SIRPA: variants seen among roughly 807,000 people sequenced by gnomAD.
The protein encoded by SIRPA is signal regulatory protein alpha.
A neutral mutation model predicts 50.3 loss-of-function variants in SIRPA; 9 were observed. That is an observed-to-expected ratio of 0.18 (90% CI 0.11 to 0.31). The LOEUF (loss-of-function observed/expected upper bound fraction) is 0.31. SIRPA is among the 10% of genes least tolerant of loss of function. SIRPA has a pLI of 1.00. For synonymous variants in SIRPA, 265 were observed against 284.1 expected (o/e 0.93, Z 0.68); for missense variants, 474 against 661.6 (o/e 0.72, Z 3.11).
chr20:1,935,090 A>G (rs2076555), intron 7 of SIRPA, among the ~76,000 whole-genome samples: 116,264 of 151,996 alleles, frequency 0.76, 45,544 homozygotes, highest in Middle Eastern at 0.87. Context: ...GCCCAGGCCC[A>G]TCCCTCTACC....
rs6035090 is a variant in SIRPA at position 1,932,980 on chromosome 20, G to A, written c.1227-1735G>A. Among the ~76,000 whole-genome samples the A allele has an allele frequency of 0.34, 51,690 of 152,128 alleles. 9,296 individuals are homozygous for A. The highest frequency in any genetic ancestry group is 0.44 in the African/African-American group (18,289 of 41,440). ...TTGCTTTGAAAGAGAAGAACCCAAT[G>A]TTTTGAGAATGGAGTTTGGGGGTTC... On this transcript the variant is annotated intron_variant, in intron 6 of 7. Transcript: ENST00000358771. The surrounding 1 kb of genome is among the most constrained non-coding windows in gnomAD (Gnocchi z 6.0).
intron 1 of SIRPA, among the ~76,000 whole-genome samples, chr20:1,905,119 G>A (rs193170888): frequency 2.0e-5 from 3 of 152,364 alleles, no homozygotes; most frequent in South Asian, 4.1e-4. Flanking sequence ...AGGAATCAGT[G>A]AATAGTGTCA....
chr20:1,933,171 T>TGGCA lies in SIRPA; in HGVS notation c.1227-1530_1227-1527dup, dbSNP rs765814787. Among the ~76,000 whole-genome samples, 3 of 152,074 alleles carry TGGCA rather than the reference T, an allele frequency of 2.0e-5. No homozygotes were observed. The highest frequency in any genetic ancestry group is 4.8e-5 in the African/African-American group (2 of 41,408). On this transcript the variant is annotated intron_variant, in intron 6 of 7. Coordinates refer to ENST00000358771, the MANE Select transcript of SIRPA (RefSeq NM_001040023.2). This position sits in a 1 kb window ranked among gnomAD's most constrained non-coding sequence, Gnocchi z 4.4. Reference sequence around the variant, plus strand: ...TTTGAGCACATGTGGTGAGGAAGCATGGCAGGCAGGCAGGCAGACAGCAAT... The same window carrying TGGCA: ...TTTGAGCACATGTGGTGAGGAAGCATGGCAGGCAGGCAGGCAGGCAGACAGCAAT...
upstream of SIRPA, chr20:1,895,273 C>T (rs1407825557): frequency 4.5e-6 from 2 of 444,632 alleles, no homozygotes; most frequent in Non-Finnish European, 7.8e-6. Context: ...GAGGGGGGGT[C>T]TCCAAAAACC....
Position 1,932,620 on chromosome 20 carries a change from A to G in SIRPA, c.1227-2095A>G, listed in dbSNP as rs1006339255. Among the ~76,000 whole-genome samples, 3 of 152,200 alleles carry G rather than the reference A, an allele frequency of 2.0e-5. No individual in the cohort carries two copies. The highest frequency in any genetic ancestry group is 7.2e-5 in the African/African-American group (3 of 41,440). ...TGAGCATTCTGAGCAGAAAAGTAAC[A>G]TGACATCACTTATGCATTTCAGATA... is the stretch of plus-strand genomic sequence containing the variant. On this transcript the variant is annotated intron_variant, in intron 6 of 7. Transcript: ENST00000358771. The surrounding 1 kb of genome is among the most constrained non-coding windows in gnomAD (Gnocchi z 6.0).
Position 1,927,226 on chromosome 20 carries a change from A to G in SIRPA, c.1202-649A>G, listed in dbSNP as rs1986033157. Reference sequence around the variant, plus strand: ...CTTTTTAATTACAATTTTACAGCAAAATGGGAGTCAAACGGCTGCTGAACC... The same window carrying G: ...CTTTTTAATTACAATTTTACAGCAAGATGGGAGTCAAACGGCTGCTGAACC... On this transcript the variant is annotated intron_variant, in intron 5 of 7. Transcript: ENST00000358771. The surrounding 1 kb of genome is among the most constrained non-coding windows in gnomAD (Gnocchi z 6.5). Among the ~76,000 whole-genome samples, 1 of 152,158 alleles carries G rather than the reference A, an allele frequency of 6.6e-6. No homozygotes were observed. Among genetic ancestry groups the G allele is most frequent in the African/African-American group, 2.4e-5 (1 of 41,424 alleles).
intron 4 of SIRPA, among the ~76,000 whole-genome samples, chr20:1,922,891 G>A (rs1422099517): frequency 3.3e-5 from 5 of 152,172 alleles, no homozygotes; most frequent in Admixed American, 3.3e-4. Context: ...GAAAGAGGGA[G>A]AGAGGGGGCC....
At position 1,915,259 on chromosome 20, in the gene SIRPA, C is replaced by T. The variant is rs1415537126; in HGVS notation, c.240C>T (p.Tyr80=). Residue 80 remains tyrosine (Y), a synonymous_variant, in exon 2 of 8, where the codon TAC becomes TAT. Coordinates refer to ENST00000358771, the MANE Select transcript of SIRPA (RefSeq NM_001040023.2). ...CTGGACCAGGCCGGGAATTAATCTA[C>T]AATCAAAAAGAAGGCCACTTCCCCC... is the stretch of plus-strand genomic sequence containing the variant. ...RGAGPGRELI[Y]NQKEGHFPRV... 1.9e-6 allele frequency: 3 copies of T among 1,612,854 alleles called. No individual in the cohort carries two copies. Among genetic ancestry groups the T allele is most frequent in the Admixed American group, 1.7e-5 (1 of 59,850 alleles).
chr20:1,904,736 C>T (rs1208301455), intron 1 of SIRPA, among the ~76,000 whole-genome samples: 1 of 152,186 alleles, frequency 6.6e-6, no homozygotes, highest in African/African-American at 2.4e-5. Context: ...ACTCCTCTGC[C>T]CCCTCAGCCT....
chr20:1,910,681 G>C (rs1041002532), intron 1 of SIRPA, among the ~76,000 whole-genome samples: 1 of 152,058 alleles, frequency 6.6e-6, no homozygotes, highest in African/African-American at 2.4e-5. Flanking sequence ...TACATGTACA[G>C]GTTTTTTAAA....
rs1291989542 is a variant in SIRPA at position 1,933,991 on chromosome 20, A to G, written c.1227-724A>G. ...ACATTTGGAGAATATGGGAAACTAA[A>G]AAGGAGAAAAAAAATACCATGCAAA... On this transcript the variant is annotated intron_variant, in intron 6 of 7. Transcript: ENST00000358771. This position sits in a 1 kb window ranked among gnomAD's most constrained non-coding sequence, Gnocchi z 4.4. Among the ~76,000 whole-genome samples, 1 of 152,228 alleles carries G rather than the reference A, an allele frequency of 6.6e-6. No individual in the cohort carries two copies. The highest frequency in any genetic ancestry group is 1.5e-5 in the Non-Finnish European group (1 of 68,036).
At position 1,937,213 on chromosome 20, in the gene SIRPA, C is replaced by T. The variant is rs1986626574; in HGVS notation, c.1267-107C>T. The stretch of plus-strand genomic sequence containing the variant: ...TGACTTATGGCTGAGCCAGTGTGGG[C>T]CGAGAGGACACAGAAGCATCCAGAC... On this transcript the variant is annotated intron_variant, in intron 7 of 7. Transcript: ENST00000358771. This position sits in a 1 kb window ranked among gnomAD's most constrained non-coding sequence, Gnocchi z 8.3. 3.0e-6 allele frequency: 4 copies of T among 1,346,814 alleles called. No homozygotes were observed. Among genetic ancestry groups the T allele is most frequent in the Admixed American group, 2.0e-5 (1 of 49,482 alleles). The allele number at this position is 1,346,814 out of a possible 1,614,324, so 83.4% of individuals were successfully genotyped here. A position where few individuals can be genotyped will look rare whatever the true frequency, so the allele number is the denominator to read the frequency against.
At chr20:1,923,504 A>G (rs1208763565) in intron 4 of SIRPA, among the ~76,000 whole-genome samples, 4 of 152,260 alleles carry the variant, frequency 2.6e-5, no homozygotes, top group South Asian at 2.1e-4. Flanking sequence ...CACCAATGCC[A>G]GGTTTTCTTA....
upstream of SIRPA, chr20:1,895,269 G>A (rs1024716655): frequency 4.5e-6 from 2 of 443,088 alleles, no homozygotes; most frequent in South Asian, 4.3e-5. Context: ...CGGGGAGGGG[G>A]GGTCTCCAAA....
At position 1,934,564 on chromosome 20, in the gene SIRPA, C is replaced by T; in HGVS notation, c.1227-151C>T. ...AGTGAGATTGACCCCTTTGTCCAAA[C>T]ATTTGATATGCAGTTGTATTTCTGT... On this transcript the variant is annotated intron_variant, in intron 6 of 7. Transcript: ENST00000358771. This position sits in a 1 kb window ranked among gnomAD's most constrained non-coding sequence, Gnocchi z 4.6. 1 of 656,120 alleles carries T rather than the reference C, an allele frequency of 1.5e-6. No individual in the cohort carries two copies. The highest frequency in any genetic ancestry group is 2.6e-6 in the Non-Finnish European group (1 of 383,476). 40.6% of individuals were successfully genotyped at this position (656,120 alleles called of 1,614,324 possible). A position where few individuals can be genotyped will look rare whatever the true frequency, so the allele number is the denominator to read the frequency against.
At chr20:1,915,000 T>C in intron 1 of SIRPA, 99 bp from the exon 2 acceptor site, 1 of 991,806 alleles carries the variant, frequency 1.0e-6, no homozygotes, top group Non-Finnish European at 1.5e-6. Context: ...AGCCTGCTTC[T>C]GGTGTGCATC....
At chr20:1,906,705 C>G (rs956718722) in intron 1 of SIRPA, among the ~76,000 whole-genome samples, 8 of 152,078 alleles carry the variant, frequency 5.3e-5, no homozygotes, top group Non-Finnish European at 1.2e-4. Context: ...CGTCACCTGA[C>G]TTAGGTTTTA....
At chr20:1,913,689 G>C (rs6075340) in intron 1 of SIRPA, among the ~76,000 whole-genome samples, 25 of 152,088 alleles carry the variant, frequency 1.6e-4, no homozygotes, top group Non-Finnish European at 2.9e-5. Flanking sequence ...CTCTGCGTCT[G>C]TCTCTCAGGC....
intron 2 of SIRPA, among the ~76,000 whole-genome samples, 175 bp from the exon 3 acceptor site, chr20:1,921,220 C>T (rs1985629981): frequency 6.6e-6 from 1 of 152,220 alleles, no homozygotes; most frequent in Admixed American, 6.5e-5. Context: ...TCACCTCTCC[C>T]AACCTTTGCA....
Sources: allele counts gnomAD v4.1 joint callset (sites outside exome capture counted in the v4.1 genomes callset), GRCh38; gene constraint gnomAD v4.1.1; non-coding constraint Gnocchi (gnomAD v3.1); transcripts MANE v1.5; gene names NCBI Gene and HGNC (gene_info 2026-07-23, HGNC 2026-07-21).